The following XIRP2 variants were observed in gnomAD, a reference collection of about 807,000 sequenced individuals.
The protein encoded by XIRP2 is xin actin binding repeat containing 2, also known as xin actin-binding repeat-containing protein 2.
A neutral mutation model predicts 277.0 loss-of-function variants in XIRP2; 236 were observed. That is an observed-to-expected ratio of 0.85 (90% confidence interval 0.77 to 0.95). The LOEUF is 0.95. Ranked by LOEUF, XIRP2 falls within the 40% of genes least tolerant of loss-of-function variation. The probability of loss-of-function intolerance (pLI) is 0.00; values close to 1 mark genes in which losing one functional copy is unlikely to be tolerated. For missense variants in XIRP2, 4,640 were observed against 4,157.5 expected, an observed-to-expected ratio of 1.12 and a Z score of -3.19; for synonymous variants, 1,490 against 1,416.5, an observed-to-expected ratio of 1.05 and a Z score of -1.17.
chr2:167,130,145 C>A (rs576232230), intron 2 of XIRP2, among the ~76,000 whole-genome samples: 1 of 152,078 alleles, frequency 6.6e-6, no homozygotes, highest in East Asian at 1.9e-4. Flanking sequence ...AAACATGGCC[C>A]TCCCCTGAAA....
At chr2:167,085,825 C>T (rs1301491614) in intron 2 of XIRP2, among the ~76,000 whole-genome samples, 1 of 152,058 alleles carries the variant, frequency 6.6e-6, no homozygotes, top group East Asian at 1.9e-4. Context: ...TTATTTTGAG[C>T]CTATGTGTGT....
chr2:167,245,224 A>G lies in XIRP2; in HGVS notation c.3832A>G (p.Ile1278Val), dbSNP rs1040195999. 3 of 1,613,626 alleles carry G rather than the reference A, an allele frequency of 1.9e-6. No individual in the cohort carries two copies. In the Admixed American group the frequency reaches 5.0e-5, roughly 27 times the overall value. The change falls in exon 9 of 11, where the codon ATT (isoleucine) becomes GTT (valine). Residue 1278 changes from isoleucine (I) to valine (V), a missense_variant. Physicochemically the swap from Ile to Val is conservative, Grantham distance 29. Transcript: ENST00000409195. ...TGGGGATGTAAGAAAGGGGTGCTTTATTTTTGAGACTTTTTCTTTAGATGA... is the reference window on the plus strand; with the variant it reads ...TGGGGATGTAAGAAAGGGGTGCTTTGTTTTTGAGACTTTTTCTTTAGATGA... ...QGGDVRKGCF[I>V]FETFSLDEIK...
At chr2:167,054,544 C>T (rs896301034) in intron 2 of XIRP2, among the ~76,000 whole-genome samples, 2 of 152,128 alleles carry the variant, frequency 1.3e-5, no homozygotes, top group African/African-American at 4.8e-5. Context: ...ATTAGCTGGG[C>T]GTGTTGGTGT....
chr2:166,988,816 G>A (rs1687091035), intron 2 of XIRP2, among the ~76,000 whole-genome samples: 1 of 52,616 alleles, frequency 1.9e-5, no homozygotes, highest in African/African-American at 8.6e-5. Flanking sequence ...AGGGTCCTAC[G>A]CCCACGGAAT....
intron 3 of XIRP2, among the ~76,000 whole-genome samples, chr2:167,207,346 A>T (rs768817565): frequency 1.3e-5 from 2 of 152,202 alleles, no homozygotes; most frequent in African/African-American, 2.4e-5. Flanking sequence ...TTGTAAAATT[A>T]GGAGAAAATT....
chr2:166,911,609 A>ACC (rs1558912998), intron 2 of XIRP2, among the ~76,000 whole-genome samples: 2,255 of 152,240 alleles, frequency 0.015, 70 homozygotes, highest in African/African-American at 0.052. Flanking sequence ...GCCCATTTCA[A>ACC]TTTAAGGTTA....
At chr2:166,905,560 A>G (rs561253122) in intron 2 of XIRP2, among the ~76,000 whole-genome samples, 4 of 151,974 alleles carry the variant, frequency 2.6e-5, no homozygotes, top group South Asian at 2.1e-4. Flanking sequence ...TAAAAATGAG[A>G]TTAGTTTAGT....
intron 1 of XIRP2, among the ~76,000 whole-genome samples, chr2:166,897,939 A>G (rs1238433206): frequency 1.3e-5 from 2 of 152,094 alleles, no homozygotes; most frequent in Non-Finnish European, 2.9e-5. Flanking sequence ...GGACACATGC[A>G]GGTGGCATGC....
rs186094405 is a variant in XIRP2 at position 166,951,337 on chromosome 2, C to A, written c.408+47447C>A. ...GCTTCTGGGGAGGCTTAGGAAGCTT[C>A]CAGTCATGGTGGAAGGCAAAGAGGG... On this transcript the variant is annotated intron_variant, in intron 2 of 10. Transcript: ENST00000409195. 1.8e-3 allele frequency among the ~76,000 whole-genome samples: 276 copies of A among 151,852 alleles called. 1 individual carries two copies. The highest frequency in any genetic ancestry group is 2.3e-3 in the Non-Finnish European group (153 of 67,904).
At chr2:167,180,965 T>A (rs1692991367) in intron 3 of XIRP2, among the ~76,000 whole-genome samples, 1 of 152,226 alleles carries the variant, frequency 6.6e-6, no homozygotes, top group African/African-American at 2.4e-5. Flanking sequence ...AATTATGACT[T>A]CTATCCTATA....
intron 3 of XIRP2, among the ~76,000 whole-genome samples, chr2:167,167,311 A>T (rs1226863484): frequency 6.6e-6 from 1 of 152,134 alleles, no homozygotes; most frequent in African/African-American, 2.4e-5. Context: ...TAATTGGTAT[A>T]TTTAGACCAC....
chr2:167,258,386 G>A lies in XIRP2; in HGVS notation c.*569G>A. ...GTCCACCCATGTTTGTCAGAAAGAG[G>A]ATGTTATAGGAATCAAAGAAATGAA... is the stretch of plus-strand genomic sequence containing the variant. On this transcript the variant is annotated 3_prime_UTR_variant, in exon 11 of 11. Transcript: ENST00000409195. The A allele has an allele frequency of 2.5e-6, 4 of 1,613,268 alleles. No individual in the cohort carries two copies. Among genetic ancestry groups the A allele is most frequent in the Non-Finnish European group, 3.4e-6 (4 of 1,179,632 alleles).
chr2:167,025,045 G>A lies in XIRP2; in HGVS notation c.409-110864G>A, dbSNP rs548051089. On this transcript the variant is annotated intron_variant, in intron 2 of 10. Coordinates refer to ENST00000409195, the MANE Select transcript of XIRP2 (RefSeq NM_152381.6). ...GAAGGAATGGTACCAGTTCCTCCTT[G>A]TACCTCTGGTAGAATTCGGCTGTGA... Among the ~76,000 whole-genome samples, 913 of 152,132 alleles carry A rather than the reference G, an allele frequency of 6.0e-3. 3 individuals carry two copies. The highest frequency in any genetic ancestry group is 0.021 in the African/African-American group (851 of 41,508).
chr2:166,922,389 G>T (rs568433396), intron 2 of XIRP2, among the ~76,000 whole-genome samples: 2 of 152,174 alleles, frequency 1.3e-5, no homozygotes, highest in East Asian at 3.9e-4. Flanking sequence ...AAGTGTTTCA[G>T]CCATAAAATA....
intron 2 of XIRP2, among the ~76,000 whole-genome samples, chr2:167,112,998 G>A (rs7584072): frequency 0.04 from 6,124 of 151,930 alleles, 169 homozygotes; most frequent in South Asian, 0.083. Flanking sequence ...GAGTTTGGTT[G>A]GTATGATTTT....
At chr2:167,207,700 A>C (rs1298777057) in intron 3 of XIRP2, among the ~76,000 whole-genome samples, 2 of 152,234 alleles carry the variant, frequency 1.3e-5, no homozygotes, top group Non-Finnish European at 2.9e-5. Context: ...ATCTCTAGTC[A>C]CACAATTTCT....
intron 3 of XIRP2, among the ~76,000 whole-genome samples, chr2:167,149,160 T>TAATTAGGGACTAA (rs1228813807): frequency 6.6e-6 from 1 of 152,286 alleles, no homozygotes; most frequent in East Asian, 1.9e-4. Context: ...AATTAGGGAC[T>TAATTAGGGACTAA]CTCACCCCAA....
Position 167,250,601 on chromosome 2 carries a change from A to C in XIRP2, c.9209A>C (p.Lys3070Thr), listed in dbSNP as rs367976404. The change falls in exon 9 of 11, where the codon AAA becomes ACA. Residue 3070 changes from lysine to threonine, a missense_variant. Lys to Thr is a moderately conservative substitution (Grantham distance 78). Coordinates refer to ENST00000409195, the MANE Select transcript of XIRP2 (RefSeq NM_152381.6). ...AGCAATAATAAAAATAGTGAACAGA[A>C]AGAAAATAAAATTGCCAAAGAGAAA... ...HVSNNKNSEQ[K>T]ENKIAKEKTV... The C allele has an allele frequency of 6.2e-7, 1 of 1,613,358 alleles. No individual in the cohort carries two copies. The highest frequency in any genetic ancestry group is 1.3e-5 in the African/African-American group (1 of 74,818).
intron 2 of XIRP2, among the ~76,000 whole-genome samples, chr2:167,070,485 G>C (rs1689410029): frequency 6.6e-6 from 1 of 152,028 alleles, no homozygotes; most frequent in African/African-American, 2.4e-5. Flanking sequence ...GTATCTATAT[G>C]CTGAACAGGA....
Sources: allele counts gnomAD v4.1 joint callset (sites outside exome capture counted in the v4.1 genomes callset), GRCh38; gene constraint gnomAD v4.1.1; transcripts MANE v1.5; gene names NCBI Gene and HGNC (gene_info 2026-07-23, HGNC 2026-07-21).